The following FGF14 variants were observed in gnomAD, a reference collection of about 807,000 sequenced individuals.
FGF14 encodes fibroblast growth factor 14, also known as fibroblast growth factor homologous factor 4.
In FGF14, 5 loss-of-function variants were observed where a neutral mutation model predicts 25.5. The ratio of observed to expected loss-of-function variants is 0.20; its 90% CI spans 0.10 to 0.41. The LOEUF (loss-of-function observed/expected upper bound fraction) is 0.41. FGF14 is among the 10% of genes least tolerant of loss of function. The probability of loss-of-function intolerance (pLI) is 1.00; values close to 1 mark genes in which losing one functional copy is unlikely to be tolerated. For missense variants in FGF14, 222 were observed against 320.1 expected (o/e 0.69, Z 2.34); for synonymous variants, 138 against 118.3 (o/e 1.17, Z -1.08).
At chr13:102,257,816 C>A (rs2052524986) in intron 1 of FGF14, among the ~76,000 whole-genome samples, 1 of 152,104 alleles carries the variant, frequency 6.6e-6, no homozygotes, top group Non-Finnish European at 1.5e-5. Context: ...TCTGGAGGGG[C>A]CACCTTCAGT....
intron 3 of FGF14, among the ~76,000 whole-genome samples, chr13:101,741,678 TTTA>T (rs1206634381): frequency 6.6e-6 from 1 of 152,138 alleles, no homozygotes; most frequent in African/African-American, 2.4e-5. Flanking sequence ...TTCCCTGCCT[TTTA>T]TTATTCTATA....
At chr13:101,783,048 T>C (rs2039603809) in intron 3 of FGF14, among the ~76,000 whole-genome samples, 1 of 152,236 alleles carries the variant, frequency 6.6e-6, no homozygotes, top group Non-Finnish European at 1.5e-5. Flanking sequence ...TGTTATTTTT[T>C]ACTTTTTAGT....
chr13:102,279,039 A>G (rs188087558), intron 1 of FGF14, among the ~76,000 whole-genome samples: 24 of 152,292 alleles, frequency 1.6e-4, no homozygotes, highest in African/African-American at 4.1e-4. Flanking sequence ...ATTTATTTAA[A>G]TGTTATTTTA....
At chr13:102,308,165 T>C (rs1268129878) in intron 1 of FGF14, among the ~76,000 whole-genome samples, 1 of 152,156 alleles carries the variant, frequency 6.6e-6, no homozygotes, top group Non-Finnish European at 1.5e-5. Flanking sequence ...TTTCCAGACG[T>C]TGGATCAAGC....
chr13:101,724,641 A>G (rs997314943), intron 4 of FGF14, among the ~76,000 whole-genome samples: 1 of 125,070 alleles, frequency 8.0e-6, no homozygotes, highest in Non-Finnish European at 1.8e-5. Context: ...TAAAACAAAG[A>G]TATGAATGCC....
chr13:101,818,981 C>A lies in FGF14; in HGVS notation c.408+49744G>T, dbSNP rs79217126. ...GTTCCCTTATTGTGAAGCTTACCCC[C>A]CAGGTTACAATCTGGGTCCTCTTGA... is the stretch of plus-strand genomic sequence containing the variant. On this transcript the variant is annotated intron_variant, in intron 3 of 4. Transcript: ENST00000376143. Among the ~76,000 whole-genome samples the A allele has an allele frequency of 5.2e-4, 79 of 152,240 alleles. 2 individuals are homozygous for A. The East Asian group carries it at 0.015, about 29-fold the overall frequency.
chr13:102,269,240 A>G (rs1223969047), intron 1 of FGF14, among the ~76,000 whole-genome samples: 1 of 152,230 alleles, frequency 6.6e-6, no homozygotes, highest in African/African-American at 2.4e-5. Context: ...TTCTGCTAAT[A>G]TATCACAAAT....
chr13:102,133,994 A>G (rs1322250486), intron 1 of FGF14, among the ~76,000 whole-genome samples: 1 of 152,240 alleles, frequency 6.6e-6, no homozygotes, highest in Admixed American at 6.5e-5. Flanking sequence ...AAACAAAAGC[A>G]ATAAACAAAC....
At chr13:101,877,713 G>A (rs1179171301) in intron 1 of FGF14, among the ~76,000 whole-genome samples, 1 of 152,176 alleles carries the variant, frequency 6.6e-6, no homozygotes, top group East Asian at 1.9e-4. Context: ...CTGCTAGCCA[G>A]AGCTGAATTT....
At chr13:101,954,167 C>T (rs780358115) in intron 1 of FGF14, among the ~76,000 whole-genome samples, 1 of 151,904 alleles carries the variant, frequency 6.6e-6, no homozygotes, top group Non-Finnish European at 1.5e-5. Context: ...GAACTAAATG[C>T]GTCAACTAAT....
At chr13:102,057,467 TTAA>T (rs555404155) in intron 1 of FGF14, among the ~76,000 whole-genome samples, 5 of 152,150 alleles carry the variant, frequency 3.3e-5, no homozygotes, top group East Asian at 1.9e-4. Context: ...AATTCTGCTA[TTAA>T]TAATAATATT....
chr13:101,978,175 C>A (rs78882637), intron 1 of FGF14, among the ~76,000 whole-genome samples: 1 of 152,162 alleles, frequency 6.6e-6, no homozygotes, highest in East Asian at 1.9e-4. Flanking sequence ...TTAAGTGAAA[C>A]CTTCCAGATG....
Position 101,714,438 on chromosome 13 carries a change from G to T in FGF14, c.*8393C>A, listed in dbSNP as rs762442232. On this transcript the variant is annotated 3_prime_UTR_variant, in exon 5 of 5. Coordinates refer to ENST00000376143, the MANE Select transcript of FGF14 (RefSeq NM_004115.4). ...TGAGTAATAGCCTTTGTAATTTCAG[G>T]TTCTTGTCATTGTGGGAAGTGCATT... 2.5e-6 allele frequency: 4 copies of T among 1,572,392 alleles called. No homozygotes were observed. The East Asian group carries it at 9.0e-5, about 35-fold the overall frequency.
intron 1 of FGF14, among the ~76,000 whole-genome samples, chr13:102,155,224 C>T (rs1215648681): frequency 1.4e-4 from 21 of 152,224 alleles, no homozygotes; most frequent in African/African-American, 5.1e-4. Context: ...TTTTCAGCAC[C>T]ACACTACACC....
intron 3 of FGF14, among the ~76,000 whole-genome samples, chr13:101,820,042 A>G (rs1310240295): frequency 6.6e-6 from 1 of 152,206 alleles, no homozygotes; most frequent in East Asian, 1.9e-4. Context: ...ACAGCAGGTA[A>G]AAAGATTTAA....
intron 1 of FGF14, among the ~76,000 whole-genome samples, chr13:102,131,880 T>C (rs1187504186): frequency 6.6e-6 from 1 of 152,128 alleles, no homozygotes; most frequent in Admixed American, 6.5e-5. Context: ...GTGAGATTCA[T>C]CGAAATAGCA....
chr13:101,771,498 C>T (rs2038767273), intron 3 of FGF14, among the ~76,000 whole-genome samples: 1 of 151,996 alleles, frequency 6.6e-6, no homozygotes, highest in African/African-American at 2.4e-5. Context: ...AGTCTGTGCA[C>T]ACAACTAAAA....
At chr13:102,071,359 G>T (rs1251563897) in intron 1 of FGF14, among the ~76,000 whole-genome samples, 1 of 152,170 alleles carries the variant, frequency 6.6e-6, no homozygotes, top group Non-Finnish European at 1.5e-5. Flanking sequence ...TCACAGGGAA[G>T]TTTCGCTTGA....
intron 3 of FGF14, among the ~76,000 whole-genome samples, chr13:101,735,189 G>A (rs766697463): frequency 6.6e-6 from 1 of 152,102 alleles, no homozygotes; most frequent in Non-Finnish European, 1.5e-5. Flanking sequence ...CCTAGCCAAG[G>A]CCCACTTGGT....
Sources: gnomAD v4.1 joint callset for allele counts (sites outside exome capture counted in the v4.1 genomes callset) on GRCh38, gnomAD v4.1.1 for gene constraint, MANE v1.5 for transcripts, NCBI Gene and HGNC (gene_info 2026-07-23, HGNC 2026-07-21) for gene names.